The following EFCAB5 variants were observed in gnomAD, a reference collection of about 807,000 sequenced individuals.
EFCAB5 encodes EF-hand calcium binding domain 5.
EFCAB5 carries 131 observed loss-of-function variants against 167.9 expected under a neutral mutation model. The observed-to-expected ratio is 0.78, with a 90% CI of 0.68 to 0.90. EFCAB5 has a LOEUF of 0.90. Ranked by LOEUF, EFCAB5 falls within the 40% of genes least tolerant of loss-of-function variation. EFCAB5 has a pLI of 0.00. For synonymous variants in EFCAB5, 574 were observed against 602.8 expected, an observed-to-expected ratio of 0.95 and a Z score of 0.70; for missense variants, 1,663 against 1,745.2, an observed-to-expected ratio of 0.95 and a Z score of 0.84.
At chr17:29,981,646 T>A (rs1203467466) in intron 4 of EFCAB5, among the ~76,000 whole-genome samples, 1 of 152,214 alleles carries the variant, frequency 6.6e-6, no homozygotes, top group Non-Finnish European at 1.5e-5. Context: ...GCTCAATAAA[T>A]GTTTGTTAAT....
chr17:30,053,867 C>T lies in EFCAB5; in HGVS notation c.1913C>T (p.Ser638Leu). The T allele has an allele frequency of 6.2e-7, 1 of 1,613,982 alleles. No individual in the cohort carries two copies. Among genetic ancestry groups the T allele is most frequent in the Non-Finnish European group, 8.5e-7 (1 of 1,179,882 alleles). The change falls in exon 10 of 23, where the codon TCA (serine) becomes TTA (leucine). Residue 638 changes from serine (S) to leucine (L), a missense_variant. Coordinates refer to ENST00000394835, the MANE Select transcript of EFCAB5 (RefSeq NM_198529.4). Reference protein sequence around the residue: ...SRRMSAAEQGSLRESVIEEPY... With the variant: ...SRRMSAAEQGLLRESVIEEPY... The stretch of plus-strand genomic sequence containing the variant: ...AGAATGTCAGCTGCAGAACAGGGAT[C>T]ACTCAGAGAGTCAGTAATAGAAGAA...
At chr17:30,097,035 TAC>T (rs1567777354) in intron 22 of EFCAB5, among the ~76,000 whole-genome samples, 2,474 of 116,926 alleles carry the variant, frequency 0.021, 125 homozygotes, top group African/African-American at 0.087. Flanking sequence ...CATATACATA[TAC>T]ATATACATAT....
intron 22 of EFCAB5, among the ~76,000 whole-genome samples, chr17:30,096,677 A>ATTTTTT (rs71278522): frequency 1.2e-4 from 7 of 60,124 alleles, no homozygotes; most frequent in African/African-American, 5.0e-4. Flanking sequence ...ATATATATAT[A>ATTTTTT]TTTTTTTTTT....
rs1265525636 is a variant in EFCAB5 at position 30,082,942 on chromosome 17, C to G, written c.3478C>G (p.His1160Asp). 2.5e-6 allele frequency: 4 copies of G among 1,613,836 alleles called. No homozygotes were observed. The highest frequency in any genetic ancestry group is 3.4e-6 in the Non-Finnish European group (4 of 1,179,896). The part of the protein sequence containing the change: ...TAYHYVHSRE[H>D]ILHIVITGIG... Reference sequence around the variant, plus strand: ...CTATCACTACGTCCACAGCCGGGAGCACATTCTGCATATTGTGATCACTGG... The same window carrying G: ...CTATCACTACGTCCACAGCCGGGAGGACATTCTGCATATTGTGATCACTGG... Residue 1160 changes from histidine (H) to aspartate (D), a missense_variant, in exon 18 of 23, where the codon CAC (histidine) becomes GAC (aspartate). Transcript: ENST00000394835.
chr17:29,955,836 C>G lies in EFCAB5; in HGVS notation c.190+12187C>G, dbSNP rs1423356453. 2.6e-5 allele frequency among the ~76,000 whole-genome samples: 4 copies of G among 152,084 alleles called. No homozygotes were observed. In the East Asian group the frequency reaches 7.7e-4, roughly 29 times the overall value. ...AAACTATTCTAAAATTTATGTGGAA[C>G]CAAAAAACAGCTCGAGTAGCCAAGC... On this transcript the variant is annotated intron_variant, in intron 3 of 22. Transcript: ENST00000394835.
At chr17:29,991,814 C>T (rs1324751337) in intron 4 of EFCAB5, among the ~76,000 whole-genome samples, 1 of 152,196 alleles carries the variant, frequency 6.6e-6, no homozygotes, top group African/African-American at 2.4e-5. Context: ...AAGCTCACTA[C>T]CCTAAGGCCT....
intron 8 of EFCAB5, among the ~76,000 whole-genome samples, chr17:30,050,832 G>T (rs564301541): frequency 2.6e-5 from 4 of 152,156 alleles, no homozygotes; most frequent in South Asian, 2.1e-4. Context: ...GGTAAGATAA[G>T]TACTGAACAT....
At chr17:30,009,100 A>G (rs1227383893) in intron 7 of EFCAB5, among the ~76,000 whole-genome samples, 3 of 152,142 alleles carry the variant, frequency 2.0e-5, no homozygotes, top group Non-Finnish European at 4.4e-5. Flanking sequence ...ATGTGATTGC[A>G]TTTTAGGGTC....
intron 14 of EFCAB5, among the ~76,000 whole-genome samples, chr17:30,075,362 A>C (rs992769375): frequency 6.6e-6 from 1 of 152,082 alleles, no homozygotes; most frequent in African/African-American, 2.4e-5. Flanking sequence ...TGCCCTTTAC[A>C]TAGTCCTTAG....
rs746689981 is a variant in EFCAB5, at chr17:30,091,965, C to A, written c.4032C>A (p.Ser1344=). ...AGGAAAGCATCCAACTACTCAATTC[C>A]ATGGAATTTGTGTCACTGTTGCTCT... ...ELQESIQLLN[S]MEFVSLLLYD... is the part of the protein sequence containing the mutation. Residue 1344 remains serine (S), a synonymous_variant, in exon 21 of 23, where the codon TCC becomes TCA. Transcript: ENST00000394835. 1.2e-6 allele frequency: 2 copies of A among 1,614,000 alleles called. No individual in the cohort carries two copies. The highest frequency in any genetic ancestry group is 1.6e-4 in the Middle Eastern group (1 of 6,062).
At chr17:30,039,158 C>T (rs1452465874) in intron 8 of EFCAB5, among the ~76,000 whole-genome samples, 1 of 152,178 alleles carries the variant, frequency 6.6e-6, no homozygotes, top group African/African-American at 2.4e-5. Context: ...GAACCACATC[C>T]TCACCAAAGG....
Position 30,092,177 on chromosome 17 carries a change from G to C in EFCAB5, c.4224+20G>C. 2 of 1,593,700 alleles carry C rather than the reference G, an allele frequency of 1.3e-6. No homozygotes were observed. Among genetic ancestry groups the C allele is most frequent in the South Asian group, 1.1e-5 (1 of 88,514 alleles). ...AAATTTGTAAGTTTTTTTTTAAAAA[G>C]CACCTTTTAAATTGAAGAATCGCCT... On this transcript the variant is annotated intron_variant, in intron 21 of 22. Transcript: ENST00000394835.
At chr17:30,039,045 C>T (rs550454349) in intron 8 of EFCAB5, among the ~76,000 whole-genome samples, 13 of 152,198 alleles carry the variant, frequency 8.5e-5, no homozygotes, top group African/African-American at 1.9e-4. Context: ...TCACATACTG[C>T]GGTGCCGAGT....
chr17:30,105,245 C>T (rs558436938), intron 22 of EFCAB5, among the ~76,000 whole-genome samples: 15 of 152,148 alleles, frequency 9.9e-5, no homozygotes, highest in Non-Finnish European at 2.1e-4. Flanking sequence ...CCTGTAATCC[C>T]AGCACCTTGG....
At chr17:29,930,132 G>A in intron 1 of EFCAB5, 1 of 832,560 alleles carries the variant, frequency 1.2e-6, no homozygotes, top group Non-Finnish European at 1.9e-6. Flanking sequence ...AGGAGGCCGC[G>A]GGAACGGCCG....
Position 30,058,578 on chromosome 17 carries a change from C to A in EFCAB5, c.2580+688C>A, listed in dbSNP as rs2070339356. Among the ~76,000 whole-genome samples the A allele has an allele frequency of 3.3e-5, 5 of 152,064 alleles. No homozygotes were observed. In the South Asian group the frequency reaches 1.0e-3, roughly 32 times the overall value. ...ATTACTATCTCACTAATATAATTAA[C>A]CTAGTGAAAACTCTAAAAGATAAAT... On this transcript the variant is annotated intron_variant, in intron 13 of 22. Coordinates refer to ENST00000394835, the MANE Select transcript of EFCAB5 (RefSeq NM_198529.4).
At chr17:30,032,480 T>C (rs760773015) in intron 7 of EFCAB5, among the ~76,000 whole-genome samples, 46 of 152,294 alleles carry the variant, frequency 3.0e-4, no homozygotes, top group Admixed American at 8.5e-4. Context: ...TTCTAATCTC[T>C]TTTTCTTCTG....
Position 30,090,393 on chromosome 17 carries a change from C to T in EFCAB5, c.3684-28C>T, listed in dbSNP as rs762545225. ...ATGTGAACAGACAGATGTTTAATATCCTTGTGCTTATTTGGTTTTGATTTC... is the reference window on the plus strand; with the variant it reads ...ATGTGAACAGACAGATGTTTAATATTCTTGTGCTTATTTGGTTTTGATTTC... On this transcript the variant is annotated intron_variant, in intron 19 of 22. Coordinates refer to ENST00000394835, the MANE Select transcript of EFCAB5 (RefSeq NM_198529.4). 3.9e-5 allele frequency: 62 copies of T among 1,606,802 alleles called. No individual in the cohort carries two copies. In the Admixed American group the frequency reaches 1.0e-3, roughly 26 times the overall value.
intron 1 of EFCAB5, among the ~76,000 whole-genome samples, chr17:29,935,784 A>T (rs1434491230): frequency 6.6e-6 from 1 of 151,946 alleles, no homozygotes; most frequent in Non-Finnish European, 1.5e-5. Context: ...AATTTAGAGG[A>T]TTGGCCCCAC....
Sources: gnomAD v4.1 joint callset for allele counts (sites outside exome capture counted in the v4.1 genomes callset) on GRCh38, gnomAD v4.1.1 for gene constraint, MANE v1.5 for transcripts, NCBI Gene and HGNC (gene_info 2026-07-23, HGNC 2026-07-21) for gene names.